The following DPP6 variants were observed in gnomAD, a reference collection of about 807,000 sequenced individuals.
DPP6 encodes dipeptidyl peptidase like 6.
DPP6 carries 69 observed loss-of-function variants against 122.6 expected under a neutral mutation model. That is an observed-to-expected ratio of 0.56 (90% CI 0.46 to 0.69). The LOEUF is 0.69. Ranked by LOEUF, DPP6 falls within the 30% of genes least tolerant of loss-of-function variation. The pLI is 0.00. For synonymous variants in DPP6, 418 were observed against 433.1 expected (o/e 0.97, Z 0.43); for missense variants, 928 against 1,116.9 (o/e 0.83, Z 2.41).
intron 1 of DPP6, among the ~76,000 whole-genome samples, chr7:154,183,799 C>T (rs1798216664): frequency 6.6e-6 from 1 of 152,226 alleles, no homozygotes; most frequent in Admixed American, 6.5e-5. Context: ...AGAGCCAGGA[C>T]TCCAAAACCA....
intron 6 of DPP6, among the ~76,000 whole-genome samples, chr7:154,640,601 G>A (rs1199235372): frequency 6.6e-6 from 1 of 152,138 alleles, no homozygotes; most frequent in African/African-American, 2.4e-5. Flanking sequence ...GTGGATCTCT[G>A]AGCGGTATCT....
chr7:154,478,743 T>C, intron 3 of DPP6, among the ~76,000 whole-genome samples: 1 of 152,202 alleles, frequency 6.6e-6, no homozygotes, highest in East Asian at 1.9e-4. Context: ...AATTCAGGTC[T>C]CCTGCCAATT....
At chr7:153,997,615 A>ACACACACC (rs746274212) in intron 1 of DPP6, among the ~76,000 whole-genome samples, 1 of 149,270 alleles carries the variant, frequency 6.7e-6, no homozygotes, top group Admixed American at 6.7e-5. Context: ...ACACACACAC[A>ACACACACC]CCTGTTTTGT....
At chr7:154,811,282 C>G (rs565401693) in intron 16 of DPP6, among the ~76,000 whole-genome samples, 1 of 152,304 alleles carries the variant, frequency 6.6e-6, no homozygotes, top group South Asian at 2.1e-4. Flanking sequence ...ACTGTTTGAA[C>G]CTGGAAGCAG....
intron 1 of DPP6, among the ~76,000 whole-genome samples, chr7:153,945,091 G>A (rs1252773717): frequency 1.3e-5 from 2 of 152,146 alleles, no homozygotes; most frequent in East Asian, 3.9e-4. Flanking sequence ...TGCAGGCTCT[G>A]AAGGGTCACC....
At chr7:154,732,298 C>T (rs1842378215) in intron 8 of DPP6, among the ~76,000 whole-genome samples, 1 of 152,020 alleles carries the variant, frequency 6.6e-6, no homozygotes. Context: ...TATGCATGAG[C>T]TATAGTGGGA....
intron 1 of DPP6, among the ~76,000 whole-genome samples, chr7:153,962,829 G>A (rs2907040): frequency 1.6e-4 from 24 of 152,122 alleles, no homozygotes; most frequent in Admixed American, 1.2e-3. Context: ...GTATAAGACT[G>A]TAGCAGTTTC....
chr7:154,733,149 C>T (rs1165805962), intron 8 of DPP6, among the ~76,000 whole-genome samples: 1 of 152,256 alleles, frequency 6.6e-6, no homozygotes, highest in African/African-American at 2.4e-5. Context: ...ACACTAACTG[C>T]CACCTTCACT....
chr7:154,645,762 T>C (rs78267494), intron 6 of DPP6, among the ~76,000 whole-genome samples: 21,448 of 151,576 alleles, frequency 0.14, 1,712 homozygotes, highest in African/African-American at 0.22. Context: ...GGCGCGGTGG[T>C]TCACGCCTGT....
At chr7:154,815,759 C>G (rs1799384950) in intron 16 of DPP6, among the ~76,000 whole-genome samples, 1 of 152,202 alleles carries the variant, frequency 6.6e-6, no homozygotes, top group African/African-American at 2.4e-5. Flanking sequence ...GAATCCCTTA[C>G]AGCTCTGGGC....
chr7:154,500,404 T>C (rs1825131388), intron 3 of DPP6, among the ~76,000 whole-genome samples: 2 of 152,190 alleles, frequency 1.3e-5, no homozygotes, highest in Non-Finnish European at 2.9e-5. Context: ...AGATAAAGCT[T>C]ATAATATGGT....
chr7:154,855,513 TG>T (rs1279821735), intron 17 of DPP6, among the ~76,000 whole-genome samples: 1 of 152,194 alleles, frequency 6.6e-6, no homozygotes, highest in Non-Finnish European at 1.5e-5. Context: ...CTGCGAGGTT[TG>T]GGAATCTGGG....
At chr7:153,797,591 C>T in the DPP6 span, among the ~76,000 whole-genome samples, 1 of 152,164 alleles carries the variant, frequency 6.6e-6, no homozygotes, top group Non-Finnish European at 1.5e-5. Context: ...CATCCTCAGC[C>T]TTCTAGCAAG....
intron 1 of DPP6, among the ~76,000 whole-genome samples, chr7:154,387,364 A>C (rs950094272): frequency 6.6e-6 from 1 of 152,194 alleles, no homozygotes; most frequent in Admixed American, 6.5e-5. Context: ...TTCAAAGGCC[A>C]TAGTTGCTGC....
intron 1 of DPP6, among the ~76,000 whole-genome samples, chr7:154,232,856 A>G (rs1184862002): frequency 6.6e-6 from 1 of 152,228 alleles, no homozygotes; most frequent in Admixed American, 6.5e-5. Context: ...TAAATGACAT[A>G]CAATGCGGGA....
intron 1 of DPP6, among the ~76,000 whole-genome samples, chr7:154,002,592 G>A (rs1260482895): frequency 2.6e-5 from 4 of 152,146 alleles, no homozygotes; most frequent in Non-Finnish European, 4.4e-5. Context: ...GTGCAGATAG[G>A]AGATGGAATA....
intron 13 of DPP6, among the ~76,000 whole-genome samples, 178 bp downstream of exon 13, chr7:154,801,640 G>A (rs1217067622): frequency 6.6e-6 from 1 of 152,172 alleles, no homozygotes; most frequent in South Asian, 2.1e-4. Flanking sequence ...ATCAGGCCTG[G>A]TGGAACCTTG....
intron 1 of DPP6, among the ~76,000 whole-genome samples, chr7:154,242,047 T>C (rs572930996): frequency 2.0e-5 from 3 of 152,354 alleles, no homozygotes; most frequent in African/African-American, 7.2e-5. Context: ...GAAGTCACTC[T>C]TGGATTTTCA....
intron 1 of DPP6, among the ~76,000 whole-genome samples, chr7:154,181,045 A>G (rs1027269407): frequency 1.3e-5 from 2 of 152,144 alleles, no homozygotes; most frequent in Non-Finnish European, 2.9e-5. Flanking sequence ...TCCTGTAGCT[A>G]TCTGTGTTGC....
Sources: gnomAD v4.1 joint callset for allele counts (sites outside exome capture counted in the v4.1 genomes callset) on GRCh38, gnomAD v4.1.1 for gene constraint, MANE v1.5 for transcripts, NCBI Gene and HGNC (gene_info 2026-07-23, HGNC 2026-07-21) for gene names.